PHACTR1: variants seen among roughly 807,000 people sequenced by gnomAD.
PHACTR1 encodes phosphatase and actin regulator 1.
PHACTR1 carries 16 observed loss-of-function variants against 69.2 expected under a neutral mutation model. That is an observed-to-expected ratio of 0.23 (90% CI 0.16 to 0.35). The LOEUF is 0.35. PHACTR1 is among the 10% of genes least tolerant of loss of function. The probability of loss-of-function intolerance (pLI) is 1.00; values close to 1 mark genes in which losing one functional copy is unlikely to be tolerated. For synonymous variants in PHACTR1, 312 were observed against 284.5 expected (o/e 1.10, Z -0.97); for missense variants, 510 against 734.7 (o/e 0.69, Z 3.54).
chr6:13,239,183 G>A (rs1008877219), intron 10 of PHACTR1, among the ~76,000 whole-genome samples: 1 of 152,152 alleles, frequency 6.6e-6, no homozygotes, highest in African/African-American at 2.4e-5. Flanking sequence ...CATAAAACTG[G>A]GAGGATTCTG....
At chr6:12,762,832 A>G (rs1768176528) in intron 4 of PHACTR1, among the ~76,000 whole-genome samples, 1 of 152,198 alleles carries the variant, frequency 6.6e-6, no homozygotes, top group Non-Finnish European at 1.5e-5. Context: ...TATCTTAAGA[A>G]CATTTAAATT....
intron 5 of PHACTR1, among the ~76,000 whole-genome samples, chr6:13,062,969 G>A (rs1807909116): frequency 6.6e-6 from 1 of 152,202 alleles, no homozygotes; most frequent in Non-Finnish European, 1.5e-5. Flanking sequence ...TTACGTGCTT[G>A]AAAGATGGAG....
chr6:12,942,600 A>G (rs1033572426), intron 4 of PHACTR1, among the ~76,000 whole-genome samples: 10 of 152,096 alleles, frequency 6.6e-5, no homozygotes, highest in African/African-American at 2.2e-4. Context: ...CGGCAGGTTC[A>G]GTGAGCCGAG....
At chr6:12,898,632 T>G (rs1240524981) in intron 4 of PHACTR1, among the ~76,000 whole-genome samples, 1 of 152,240 alleles carries the variant, frequency 6.6e-6, no homozygotes, top group Non-Finnish European at 1.5e-5. Flanking sequence ...TGACTCGCAC[T>G]GGGACCACCT....
intron 4 of PHACTR1, 82 bp downstream of exon 4, chr6:12,749,872 C>A: frequency 7.6e-7 from 1 of 1,320,102 alleles, no homozygotes; most frequent in Middle Eastern, 2.8e-4. Flanking sequence ...CCCTCCCGGG[C>A]GTCCTCCCCG....
intron 5 of PHACTR1, among the ~76,000 whole-genome samples, chr6:13,078,922 A>C (rs1260900566): frequency 6.6e-6 from 1 of 152,214 alleles, no homozygotes; most frequent in East Asian, 1.9e-4. Flanking sequence ...TTAGGAATAG[A>C]TCTGTGCCCA....
At chr6:13,149,005 C>T (rs147290367) in intron 5 of PHACTR1, among the ~76,000 whole-genome samples, 23 of 152,248 alleles carry the variant, frequency 1.5e-4, no homozygotes, top group Non-Finnish European at 3.1e-4. Context: ...ATCATGTCTT[C>T]CTAACTTGAT....
chr6:12,824,080 C>G (rs1424933494), intron 4 of PHACTR1, among the ~76,000 whole-genome samples: 1 of 152,178 alleles, frequency 6.6e-6, no homozygotes, highest in Non-Finnish European at 1.5e-5. Context: ...CAGCCGCTCC[C>G]CATCGCTTGC....
chr6:12,830,559 C>T (rs930035491), intron 4 of PHACTR1, among the ~76,000 whole-genome samples: 1 of 150,566 alleles, frequency 6.6e-6, no homozygotes, highest in Non-Finnish European at 1.5e-5. Context: ...CTCATTTCTT[C>T]TGAGTAATAC....
chr6:13,220,520 G>A (rs1298806315), intron 8 of PHACTR1, among the ~76,000 whole-genome samples: 2 of 152,228 alleles, frequency 1.3e-5, no homozygotes, highest in Non-Finnish European at 2.9e-5. Context: ...CTGACGGCCT[G>A]TGAGTATAGA....
chr6:12,731,679 A>G (rs1045337776), intron 3 of PHACTR1, among the ~76,000 whole-genome samples: 1 of 152,180 alleles, frequency 6.6e-6, no homozygotes, highest in Non-Finnish European at 1.5e-5. Context: ...AGATGAAGTA[A>G]TCTATGTTTC....
chr6:13,269,228 T>C (rs1316145043), intron 10 of PHACTR1, among the ~76,000 whole-genome samples: 1 of 152,208 alleles, frequency 6.6e-6, no homozygotes, highest in Admixed American at 6.5e-5. Flanking sequence ...TACCAAACCA[T>C]TCCATAAAAG....
At chr6:13,219,417 G>T (rs1386023637) in intron 8 of PHACTR1, among the ~76,000 whole-genome samples, 1 of 152,166 alleles carries the variant, frequency 6.6e-6, no homozygotes, top group Non-Finnish European at 1.5e-5. Context: ...GAACCATCAT[G>T]CAGGGTCATG....
In PHACTR1 at chr6:12,786,555, G is replaced by C. The variant is rs374002896; in HGVS notation, c.250+36765G>C. On this transcript the variant is annotated intron_variant, in intron 4 of 14. Coordinates refer to ENST00000332995, the MANE Select transcript of PHACTR1 (RefSeq NM_030948.6). ...TTAATGGTTGTGCCTATGTGCTTCA[G>C]GTTTGCTTGTAATCAGAATTAACTG... is the stretch of plus-strand genomic sequence containing the variant. 2.0e-5 allele frequency among the ~76,000 whole-genome samples: 3 copies of C among 152,246 alleles called. No individual in the cohort carries two copies. In the East Asian group the frequency reaches 5.8e-4, roughly 29 times the overall value.
intron 4 of PHACTR1, among the ~76,000 whole-genome samples, chr6:12,816,803 G>T (rs1775641665): frequency 6.6e-6 from 1 of 152,190 alleles, no homozygotes; most frequent in African/African-American, 2.4e-5. Context: ...CCCATTTTGA[G>T]GAAGATGACC....
intron 4 of PHACTR1, among the ~76,000 whole-genome samples, chr6:12,904,180 C>A (rs1309986258): frequency 6.6e-6 from 1 of 152,076 alleles, no homozygotes; most frequent in Non-Finnish European, 1.5e-5. Context: ...AACAAATAAA[C>A]TATATATAAA....
intron 4 of PHACTR1, among the ~76,000 whole-genome samples, chr6:12,889,785 T>C (rs1176445956): frequency 7.1e-6 from 1 of 141,014 alleles, no homozygotes; most frequent in East Asian, 2.2e-4. Context: ...CTCCTCCTCC[T>C]TCTCCTTCTT....
At chr6:13,064,612 A>C (rs1187580370) in intron 5 of PHACTR1, among the ~76,000 whole-genome samples, 2 of 12,226 alleles carry the variant, frequency 1.6e-4, no homozygotes, top group African/African-American at 4.9e-4. Context: ...ATATCTATAT[A>C]TCTATCTATC....
At position 12,804,570 on chromosome 6, in the gene PHACTR1, G is replaced by A. The variant is rs370142062; in HGVS notation, c.250+54780G>A. ...AGGCTGGGCCCAGTGGCTCACGCCT[G>A]TAACCCCAGCATTTTGGGAGGGGGG... On this transcript the variant is annotated intron_variant, in intron 4 of 14. Transcript: ENST00000332995. Among the ~76,000 whole-genome samples, 31 of 152,314 alleles carry A rather than the reference G, an allele frequency of 2.0e-4. 1 individual carries two copies. The East Asian group carries it at 3.5e-3, about 17-fold the overall frequency.
Sources: allele counts gnomAD v4.1 joint callset (sites outside exome capture counted in the v4.1 genomes callset), GRCh38; gene constraint gnomAD v4.1.1; transcripts MANE v1.5; gene names NCBI Gene and HGNC (gene_info 2026-07-23, HGNC 2026-07-21).